ABCA13: variants seen among roughly 807,000 people sequenced by gnomAD.
ABCA13 encodes the protein ATP binding cassette subfamily A member 13.
In ABCA13, 476 loss-of-function variants were observed where a neutral mutation model predicts 478.7. The observed-to-expected ratio is 0.99, with a 90% CI of 0.92 to 1.07. The LOEUF (loss-of-function observed/expected upper bound fraction) is 1.07, where lower values mean the gene tolerates loss of function less well. Ranked by LOEUF, ABCA13 falls within the 50% of genes least tolerant of loss-of-function variation. The pLI, the probability that ABCA13 is intolerant of heterozygous loss-of-function variation, is 0.00. For synonymous variants in ABCA13, 2,252 were observed against 2,158.9 expected, an observed-to-expected ratio of 1.04 and a Z score of -1.20; for missense variants, 6,060 against 5,910.6, an observed-to-expected ratio of 1.03 and a Z score of -0.83.
intron 45 of ABCA13, among the ~76,000 whole-genome samples, chr7:48,473,412 T>C (rs1335356428): frequency 6.6e-6 from 1 of 152,170 alleles, no homozygotes; most frequent in African/African-American, 2.4e-5. Context: ...AGGAGGCCCC[T>C]TTCTGTGAGG....
rs3065570 is a variant in ABCA13 at position 48,219,883 on chromosome 7, AACACACACACACACAC to A, written c.439+414_439+429del. On this transcript the variant is annotated intron_variant, in intron 4 of 61. Coordinates refer to ENST00000435803, the MANE Select transcript of ABCA13 (RefSeq NM_152701.5). ...TTAAAATCTGTCCCCACCTTCCCCA[AACACACACACACACAC>A]ACACACACACACACACACACACACA... 6.6e-3 allele frequency among the ~76,000 whole-genome samples: 831 copies of A among 126,570 alleles called. 2 individuals carry two copies. Among genetic ancestry groups the A allele is most frequent in the African/African-American group, 0.016 (525 of 32,874 alleles). The allele number at this position is 126,570 out of a possible 152,430, so 83.0% of individuals were successfully genotyped here.
intron 15 of ABCA13, among the ~76,000 whole-genome samples, chr7:48,261,912 G>A (rs1562904185): frequency 6.6e-6 from 1 of 151,938 alleles, no homozygotes; most frequent in Admixed American, 6.6e-5. Context: ...TAAAGTGGGA[G>A]ACATCACTCT....
In ABCA13 at chr7:48,439,430, A is replaced by G. The variant is rs1286745505; in HGVS notation, c.12565+11559A>G. Among the ~76,000 whole-genome samples, 17 of 152,186 alleles carry G rather than the reference A, an allele frequency of 1.1e-4. 1 individual carries two copies. Among genetic ancestry groups the G allele is most frequent in the Admixed American group, 1.1e-3 (17 of 15,258 alleles). On this transcript the variant is annotated intron_variant, in intron 42 of 61. Transcript: ENST00000435803. ...TCTTACATATAAAAGTTATTAAAAA[A>G]TGTATCTCAAAGGAAATGAATGCTA...
chr7:48,508,939 A>T (rs1237829803), intron 50 of ABCA13, among the ~76,000 whole-genome samples: 2 of 152,106 alleles, frequency 1.3e-5, no homozygotes, highest in African/African-American at 4.8e-5. Flanking sequence ...TTTGTTTTGA[A>T]AGTACAATTT....
intron 20 of ABCA13, among the ~76,000 whole-genome samples, chr7:48,295,459 T>G (rs559099370): frequency 6.6e-6 from 1 of 152,370 alleles, no homozygotes; most frequent in South Asian, 2.1e-4. Context: ...TGGTGGAGAA[T>G]TGCGTGTTCT....
intron 16 of ABCA13, among the ~76,000 whole-genome samples, chr7:48,271,540 G>A (rs1584538498): frequency 6.6e-6 from 1 of 151,974 alleles, no homozygotes; most frequent in Non-Finnish European, 1.5e-5. Context: ...ATATGCCAGG[G>A]GAAAATAATT....
At chr7:48,538,007 A>C (rs892894082) in intron 55 of ABCA13, among the ~76,000 whole-genome samples, 11 of 151,930 alleles carry the variant, frequency 7.2e-5, no homozygotes, top group Non-Finnish European at 1.5e-4. Context: ...GTATTTAACA[A>C]TGACATATAT....
At chr7:48,299,681 G>A (rs1183202429) in intron 23 of ABCA13, among the ~76,000 whole-genome samples, 1 of 152,136 alleles carries the variant, frequency 6.6e-6, no homozygotes, top group African/African-American at 2.4e-5. Context: ...CTAACTTCTG[G>A]GGTCCCTTTC....
chr7:48,489,018 C>T (rs1829600480), intron 47 of ABCA13, among the ~76,000 whole-genome samples: 1 of 152,118 alleles, frequency 6.6e-6, no homozygotes, highest in Non-Finnish European at 1.5e-5. Flanking sequence ...GAAAATTAAT[C>T]TATTTTTAGC....
chr7:48,479,298 T>C (rs1391490550), intron 45 of ABCA13, among the ~76,000 whole-genome samples: 2 of 148,426 alleles, frequency 1.3e-5, no homozygotes, highest in East Asian at 2.0e-4. Flanking sequence ...AGTGCAGTGG[T>C]GCCATCTTGG....
At chr7:48,348,636 T>C (rs1164290391) in intron 29 of ABCA13, among the ~76,000 whole-genome samples, 2 of 152,254 alleles carry the variant, frequency 1.3e-5, no homozygotes, top group Non-Finnish European at 2.9e-5. Flanking sequence ...TGAGCTCTGA[T>C]GGCAATAGTT....
At chr7:48,436,113 G>C (rs1822796426) in intron 42 of ABCA13, among the ~76,000 whole-genome samples, 1 of 151,212 alleles carries the variant, frequency 6.6e-6, no homozygotes, top group South Asian at 2.1e-4. Context: ...ATTCTTTATA[G>C]GTTTGGTAGA....
At chr7:48,176,295 T>G (rs1426120839) in intron 1 of ABCA13, among the ~76,000 whole-genome samples, 1 of 152,128 alleles carries the variant, frequency 6.6e-6, no homozygotes, top group Non-Finnish European at 1.5e-5. Context: ...CTTGGGCTAG[T>G]GGAGGAGGGT....
chr7:48,293,834 G>A (rs1374189228), intron 20 of ABCA13, among the ~76,000 whole-genome samples: 1 of 152,134 alleles, frequency 6.6e-6, no homozygotes, highest in Non-Finnish European at 1.5e-5. Context: ...AATCTTAGAG[G>A]TGGGGGTTAG....
At chr7:48,483,402 A>G (rs1157868176) in intron 47 of ABCA13, among the ~76,000 whole-genome samples, 1 of 152,240 alleles carries the variant, frequency 6.6e-6, no homozygotes, top group Admixed American at 6.5e-5. Flanking sequence ...TAGTAAATAT[A>G]AAGTGGAGGA....
At position 48,528,248 on chromosome 7, in the gene ABCA13, C is replaced by G. The variant is rs1362263217; in HGVS notation, c.14257C>G (p.Leu4753Val). Reference sequence around the variant, plus strand: ...TGTTTCCTCTTAGTGCTTTGGACTTCTAGGGGTGAATGGAGCTGGGAAGAG... The same window carrying G: ...TGTTTCCTCTTAGTGCTTTGGACTTGTAGGGGTGAATGGAGCTGGGAAGAG... ...GIPKGECFGLLGVNGAGKSTT... is the reference protein window; with the variant it reads ...GIPKGECFGLVGVNGAGKSTT... Residue 4753 changes from leucine (L) to valine (V), a missense_variant, in exon 55 of 62, where the codon CTA (leucine) becomes GTA (valine). Leu to Val is a conservative substitution (Grantham distance 32). Around this residue, in one of 3 missense-constraint regions of ABCA13, gnomAD observed 1,627 missense variants for 1,571.0 expected, o/e 1.04. Coordinates refer to ENST00000435803, the MANE Select transcript of ABCA13 (RefSeq NM_152701.5). 6.4e-7 allele frequency: 1 copy of G among 1,574,294 alleles called. No homozygotes were observed. Among genetic ancestry groups the G allele is most frequent in the Non-Finnish European group, 8.6e-7 (1 of 1,158,532 alleles).
chr7:48,278,797 A>T lies in ABCA13; in HGVS notation c.7603A>T (p.Lys2535Ter). The change falls in exon 18 of 62, where the codon AAG (lysine) becomes TAG (stop). Residue 2535 changes from lysine to a stop codon, truncating the protein, a stop_gained. Coordinates refer to ENST00000435803, the MANE Select transcript of ABCA13 (RefSeq NM_152701.5). LOFTEE classifies it high-confidence loss of function. ...LLKLVKKVSG[K>*]MSTVFKTHFI... ...TAAGCTGGTCAAGAAAGTTTCGGGG[A>T]AGATGTCCACAGTTTTTAAAACTCA... The T allele has an allele frequency of 6.2e-7, 1 of 1,613,884 alleles. No individual in the cohort carries two copies. Among genetic ancestry groups the T allele is most frequent in the Non-Finnish European group, 8.5e-7 (1 of 1,179,878 alleles).
Position 48,391,991 on chromosome 7 carries a change from G to A in ABCA13, c.11725G>A (p.Asp3909Asn). 6.2e-7 allele frequency: 1 copy of A among 1,613,980 alleles called. No individual in the cohort carries two copies. Among genetic ancestry groups the A allele is most frequent in the African/African-American group, 1.3e-5 (1 of 75,040 alleles). ...CATCAATGGCAAGAACCTACAGACA[G>A]ACCTGTCGAGGGTCAGAATGGAGCT... ...IIINGKNLQT[D>N]LSRVRMELGV... Residue 3909 changes from aspartate (D) to asparagine (N), a missense_variant, in exon 38 of 62, where the codon GAC becomes AAC. By Grantham distance (23) the Asp-to-Asn change is conservative. Transcript: ENST00000435803.
rs1239849399 is a variant in ABCA13 at position 48,249,223 on chromosome 7, C to T, written c.1877C>T (p.Thr626Ile). Residue 626 changes from threonine (T) to isoleucine (I), a missense_variant, in exon 15 of 62, where the codon ACA becomes ATA. Around this residue, in one of 3 missense-constraint regions of ABCA13, gnomAD observed 4,423 missense variants for 4,309.1 expected, o/e 1.03. Coordinates refer to ENST00000435803, the MANE Select transcript of ABCA13 (RefSeq NM_152701.5). ...HQLVSTVIFH[T>I]LEKTQFFLEQ... ...CTTTTTGATTGCAGGATATTTCATA[C>T]ACTTGAAAAAACACAATTTTTCCTG... 8.1e-6 allele frequency: 13 copies of T among 1,610,432 alleles called. No homozygotes were observed. The African/African-American group carries it at 1.6e-4, about 20-fold the overall frequency.
Sources: gnomAD v4.1 joint callset for allele counts (sites outside exome capture counted in the v4.1 genomes callset) on GRCh38, gnomAD v4.1.1 for gene constraint, gnomAD v4.1.1 regional missense constraint, MANE v1.5 for transcripts, NCBI Gene and HGNC (gene_info 2026-07-23, HGNC 2026-07-21) for gene names.